HOXD3: variants seen among roughly 807,000 people sequenced by gnomAD.
HOXD3 encodes the protein homeobox protein Hox-D3.
HOXD3 carries 13 observed loss-of-function variants against 32.8 expected under a neutral mutation model. The observed-to-expected ratio is 0.40, with a 90% CI of 0.26 to 0.63. The LOEUF is 0.63. HOXD3 is among the 20% of genes least tolerant of loss of function. The pLI is 0.44. For missense variants in HOXD3, 504 were observed against 577.1 expected, an observed-to-expected ratio of 0.87 and a Z score of 1.30; for synonymous variants, 241 against 246.8, an observed-to-expected ratio of 0.98 and a Z score of 0.22.
chr2:176,161,207 C>T (rs1020213740), intron 1 of HOXD3: 2 of 152,130 alleles, frequency 1.3e-5, no homozygotes, highest in Admixed American at 6.5e-5. Flanking sequence ...GTGAGGCAGC[C>T]CGCGTAGACC....
In HOXD3 at chr2:176,169,272, C is replaced by A; in HGVS notation, c.158C>A (p.Pro53His). The change falls in exon 3 of 4, where the codon CCT (proline) becomes CAT (histidine). Residue 53 changes from proline (P) to histidine (H), a missense_variant. Transcript: ENST00000683222. Reference sequence around the variant, plus strand: ...ACCCCCCACCAGCCCTACCCACCCCCTGCTGCTGCCAGCTCCCTGGACACT... The same window carrying A: ...ACCCCCCACCAGCCCTACCCACCCCATGCTGCTGCCAGCTCCCTGGACACT... ...YSTPHQPYPP[P>H]AAASSLDTDY... 6.2e-7 allele frequency: 1 copy of A among 1,614,190 alleles called. No individual in the cohort carries two copies. Among genetic ancestry groups the A allele is most frequent in the Non-Finnish European group, 8.5e-7 (1 of 1,180,036 alleles).
At chr2:176,159,265 G>C (rs1254152293) in intron 1 of HOXD3, among the ~76,000 whole-genome samples, 1 of 152,124 alleles carries the variant, frequency 6.6e-6, no homozygotes, top group Non-Finnish European at 1.5e-5. Context: ...CCACGATCCG[G>C]CTTCGAGAGA....
At chr2:176,161,936 T>G (rs954275386) in intron 1 of HOXD3, among the ~76,000 whole-genome samples, 8 of 152,178 alleles carry the variant, frequency 5.3e-5, no homozygotes, top group Non-Finnish European at 7.3e-5. Flanking sequence ...CCATCCCGGG[T>G]CTTTCCGTGC....
chr2:176,153,225 C>T (rs1012450943), upstream of HOXD3: 3 of 461,704 alleles, frequency 6.5e-6, no homozygotes, highest in African/African-American at 5.8e-5. Context: ...TTATGAAAAT[C>T]ACCGCTCTTG....
Position 176,172,432 on chromosome 2 carries a change from G to A in HOXD3, c.*158G>A, listed in dbSNP as rs1691228898. 2 of 665,908 alleles carry A rather than the reference G, an allele frequency of 3.0e-6. No homozygotes were observed. The highest frequency in any genetic ancestry group is 5.0e-6 in the Non-Finnish European group (2 of 402,006). 41.2% of individuals were successfully genotyped at this position (665,908 alleles called of 1,614,324 possible). ...GGCCTCCAGCGGCGGAGGCGCAGGC[G>A]ACCGGGCCTCCCCTCCATGGGCGTC... On this transcript the variant is annotated 3_prime_UTR_variant, in exon 4 of 4. Transcript: ENST00000683222.
upstream of HOXD3, among the ~76,000 whole-genome samples, chr2:176,154,899 G>A (rs753593197): frequency 3.9e-5 from 6 of 152,190 alleles, no homozygotes; most frequent in Non-Finnish European, 7.4e-5. Flanking sequence ...TAGTCAAGAC[G>A]TCTTTTTTCT....
upstream of HOXD3, chr2:176,153,114 C>A: frequency 7.7e-6 from 3 of 388,150 alleles, no homozygotes; most frequent in South Asian, 2.0e-5. Flanking sequence ...AGCCCCCTCC[C>A]TAGAGCGGGA....
upstream of HOXD3, chr2:176,153,015 C>A: frequency 2.1e-6 from 3 of 1,436,130 alleles, no homozygotes; most frequent in Non-Finnish European, 2.9e-6. Flanking sequence ...GCCGGGCCTG[C>A]TGTCACCTCG....
intron 2 of HOXD3, chr2:176,165,182 C>G (rs1031925405): frequency 5.9e-5 from 9 of 152,244 alleles, no homozygotes; most frequent in Admixed American, 3.9e-4. Context: ...TCTTTTCATT[C>G]CTTACCGAAG....
intron 1 of HOXD3, among the ~76,000 whole-genome samples, chr2:176,161,705 C>T (rs757658328): frequency 8.5e-5 from 13 of 152,290 alleles, no homozygotes; most frequent in South Asian, 8.3e-4. Context: ...TTTGAGAGAA[C>T]CTCCAAACTA....
Position 176,171,496 on chromosome 2 carries a change from CCT to C in HOXD3, c.542-15_542-14del, listed in dbSNP as rs1446991776. 2 of 1,558,886 alleles carry C rather than the reference CCT, an allele frequency of 1.3e-6. No individual in the cohort carries two copies. Among genetic ancestry groups the C allele is most frequent in the Non-Finnish European group, 1.7e-6 (2 of 1,151,542 alleles). On this transcript the variant is annotated intron_variant, in intron 3 of 3. Transcript: ENST00000683222. Reference sequence around the variant, plus strand: ...CCCCACCCACTCGCTCAGCGCCCTCCCTCTCTCCCTCCCTGCCCAGGAGAGAG... The same window carrying C: ...CCCCACCCACTCGCTCAGCGCCCTCCCTCTCCCTCCCTGCCCAGGAGAGAG...
upstream of HOXD3, chr2:176,153,141 G>C: frequency 1.9e-6 from 1 of 514,986 alleles, no homozygotes; most frequent in Non-Finnish European, 3.6e-6. Flanking sequence ...TGGGAGGGGG[G>C]GCGGGATTCT....
chr2:176,160,400 G>C (rs1174631252), intron 1 of HOXD3, among the ~76,000 whole-genome samples: 1 of 152,198 alleles, frequency 6.6e-6, no homozygotes, highest in Non-Finnish European at 1.5e-5. Context: ...CACTGAGGGC[G>C]GCCAGGCCAA....
chr2:176,152,961 C>A, upstream of HOXD3: 7 of 1,610,164 alleles, frequency 4.3e-6, no homozygotes, highest in Non-Finnish European at 6.0e-6. This position sits in a 1 kb window ranked among gnomAD's most constrained non-coding sequence, Gnocchi z 5.2. Flanking sequence ...ACCCTGGGCC[C>A]ATCTCTCCCT....
At position 176,172,987 on chromosome 2, in the gene HOXD3, C is replaced by A. The variant is rs1691250976; in HGVS notation, c.*713C>A. ...AGAGTCAGGAAGCCCGGTGGCGTGG[C>A]ACAACACACTTTGGTCATTTCTCAA... On this transcript the variant is annotated 3_prime_UTR_variant, in exon 4 of 4. Transcript: ENST00000683222. 1 of 152,630 alleles carries A rather than the reference C, an allele frequency of 6.6e-6. No individual in the cohort carries two copies. The highest frequency in any genetic ancestry group is 2.1e-4 in the South Asian group (1 of 4,830). 9.5% of individuals were successfully genotyped at this position (152,630 alleles called of 1,614,324 possible).
intron 3 of HOXD3, among the ~76,000 whole-genome samples, chr2:176,171,061 A>C (rs572992547): frequency 1.3e-5 from 2 of 152,200 alleles, no homozygotes; most frequent in East Asian, 3.9e-4. Flanking sequence ...GCCAGCTCCT[A>C]AGCAAGGCAG....
chr2:176,172,312 C>G lies in HOXD3; in HGVS notation c.*38C>G, dbSNP rs1387798405. On this transcript the variant is annotated 3_prime_UTR_variant, in exon 4 of 4. Coordinates refer to ENST00000683222, the MANE Select transcript of HOXD3 (RefSeq NM_006898.5). ...GCCCGAACTCGCGGCAAAATTACCT[C>G]TCTTGCTGTAGTGGTGGGGTAGAGG... The G allele has an allele frequency of 1.3e-6, 2 of 1,554,848 alleles. No homozygotes were observed. The highest frequency in any genetic ancestry group is 2.4e-5 in the South Asian group (2 of 83,778).
chr2:176,157,109 C>A (rs548396117), upstream of HOXD3, among the ~76,000 whole-genome samples: 5 of 152,252 alleles, frequency 3.3e-5, no homozygotes, highest in East Asian at 9.8e-4. Flanking sequence ...GCTTCCCGCC[C>A]GCCTGCCCGC....
At chr2:176,164,821 G>C (rs1192871394) in intron 2 of HOXD3, 1 of 152,268 alleles carries the variant, frequency 6.6e-6, no homozygotes, top group African/African-American at 2.4e-5. Context: ...GCTAGTCACA[G>C]CCTGGCGCCT....
Sources: gnomAD v4.1 joint callset for allele counts (sites outside exome capture counted in the v4.1 genomes callset) on GRCh38, gnomAD v4.1.1 for gene constraint, Gnocchi (gnomAD v3.1) non-coding constraint, MANE v1.5 for transcripts, NCBI Gene and HGNC (gene_info 2026-07-23, HGNC 2026-07-21) for gene names.